The following LARP1 variants were observed in gnomAD, a reference collection of about 807,000 sequenced individuals.
LARP1 encodes la-related protein 1.
A neutral mutation model predicts 122.7 loss-of-function variants in LARP1; 36 were observed. The observed-to-expected ratio is 0.29, with a 90% CI of 0.22 to 0.39. The LOEUF (loss-of-function observed/expected upper bound fraction) is 0.39. Ranked by LOEUF, LARP1 falls within the 10% of genes least tolerant of loss-of-function variation. The probability of loss-of-function intolerance (pLI) is 1.00; values close to 1 mark genes in which losing one functional copy is unlikely to be tolerated. For synonymous variants in LARP1, 539 were observed against 528.7 expected (o/e 1.02, Z -0.27); for missense variants, 1,040 against 1,403.6 (o/e 0.74, Z 4.14).
At chr5:154,763,843 CA>C (rs57607523) in intron 1 of LARP1, among the ~76,000 whole-genome samples, 160 of 140,490 alleles carry the variant, frequency 1.1e-3, no homozygotes, top group Non-Finnish European at 1.1e-3. Context: ...CCATCTCTTA[CA>C]AAAAAAAAAA....
At chr5:154,800,302 C>T (rs1426538633) in intron 10 of LARP1, among the ~76,000 whole-genome samples, 1 of 152,214 alleles carries the variant, frequency 6.6e-6, no homozygotes, top group African/African-American at 2.4e-5. Context: ...AGGGATCATG[C>T]AGCATCTGGC....
rs777357564 is a variant in LARP1 at position 154,794,095 on chromosome 5, C to T, written c.1070-5C>T. 3 of 1,613,990 alleles carry T rather than the reference C, an allele frequency of 1.9e-6. No homozygotes were observed. Among genetic ancestry groups the T allele is most frequent in the African/African-American group, 1.3e-5 (1 of 74,930 alleles). ...TCTCCCTCATGGCACCCGTTTCCCC[C>T]ATAGCCCATTTTGACTACCAGTTTG... On this transcript the variant is annotated splice_polypyrimidine_tract_variant and splice_region_variant and intron_variant, in intron 6 of 18. Transcript: ENST00000518297.
rs79961824 is a variant in LARP1, at chr5:154,737,904, C to T, written c.205+24774C>T. Among the ~76,000 whole-genome samples, 19 of 152,244 alleles carry T rather than the reference C, an allele frequency of 1.2e-4. No individual in the cohort carries two copies. The East Asian group carries it at 3.5e-3, about 28-fold the overall frequency. On this transcript the variant is annotated intron_variant, in intron 1 of 18. Coordinates refer to the LARP1 transcript ENST00000336314. Reference sequence around the variant, plus strand: ...TCCTCAGCCCTCCCCTTCATAGTCCCTGAACATTCCCCTTGCTTCACTCAC... The same window carrying T: ...TCCTCAGCCCTCCCCTTCATAGTCCTTGAACATTCCCCTTGCTTCACTCAC...
intron 1 of LARP1, among the ~76,000 whole-genome samples, chr5:154,724,294 GTTA>G (rs1381221019): frequency 6.6e-6 from 1 of 152,222 alleles, no homozygotes; most frequent in Non-Finnish European, 1.5e-5. Flanking sequence ...AGTAGCTGCT[GTTA>G]TTATCATCTG....
rs1313155726 is a variant in LARP1 at position 154,794,251 on chromosome 5, C to T, written c.1221C>T (p.Ile407=). 1.9e-6 allele frequency: 3 copies of T among 1,613,942 alleles called. No individual in the cohort carries two copies. In the African/African-American group the frequency reaches 4.0e-5, roughly 22 times the overall value. ...ATCAGGAACTGCTCAAAGACTACAT[C>T]AAGCGCCAGATGTGAGTGTGCGGAA... The part of the protein sequence containing the change: ...SVDQELLKDY[I]KRQIEYYFSV... The change falls in exon 7 of 19, where the codon ATC becomes ATT. Residue 407 remains isoleucine (I), a synonymous_variant. Transcript: ENST00000518297.
Position 154,803,276 on chromosome 5 carries a change from C to T in LARP1, c.2110-14C>T. 3 of 1,614,196 alleles carry T rather than the reference C, an allele frequency of 1.9e-6. No individual in the cohort carries two copies. The South Asian group carries it at 3.3e-5, about 18-fold the overall frequency. On this transcript the variant is annotated splice_polypyrimidine_tract_variant and intron_variant, in intron 11 of 18. Coordinates refer to ENST00000518297, the MANE Select transcript of LARP1 (RefSeq NM_033551.3). This position sits in a 1 kb window ranked among gnomAD's most constrained non-coding sequence, Gnocchi z 4.4. ...TACTTACATCTTTCCCCACTCATCT[C>T]ATGACCTCTGCAGCAAGAAGTCGAG... is the stretch of plus-strand genomic sequence containing the variant.
chr5:154,780,683 A>G lies in LARP1; in HGVS notation c.437-9642A>G, dbSNP rs140349562. Among the ~76,000 whole-genome samples, 30 of 152,330 alleles carry G rather than the reference A, an allele frequency of 2.0e-4. No individual in the cohort carries two copies. In the East Asian group the frequency reaches 5.2e-3, roughly 26 times the overall value. The stretch of plus-strand genomic sequence containing the variant: ...GTCTGGGATCACCCTCTCCACTCCA[A>G]TAATGGGAATAATCCAAAGTAATTT... On this transcript the variant is annotated intron_variant, in intron 1 of 18. Transcript: ENST00000518297.
At chr5:154,768,363 G>T (rs1755121109) in intron 1 of LARP1, among the ~76,000 whole-genome samples, 1 of 152,134 alleles carries the variant, frequency 6.6e-6, no homozygotes, top group Non-Finnish European at 1.5e-5. Context: ...GACACATTGC[G>T]GCCATGGTGG....
Position 154,803,844 on chromosome 5 carries a change from C to T in LARP1, c.2439+99C>T. 1 of 1,212,370 alleles carries T rather than the reference C, an allele frequency of 8.2e-7. No homozygotes were observed. Among genetic ancestry groups the T allele is most frequent in the South Asian group, 1.3e-5 (1 of 76,078 alleles). 75.1% of individuals were successfully genotyped at this position (1,212,370 alleles called of 1,614,324 possible). On this transcript the variant is annotated intron_variant, in intron 13 of 18. Coordinates refer to ENST00000518297, the MANE Select transcript of LARP1 (RefSeq NM_033551.3). The surrounding 1 kb of genome is among the most constrained non-coding windows in gnomAD (Gnocchi z 4.4). ...TTGCCTTGTCTGAGCTAAGGAAGTG[C>T]TAAATCCTTCACCTGCTCTGTGTTC...
chr5:154,800,125 C>G (rs1758225665), intron 10 of LARP1, 83 bp downstream of exon 10: 2 of 1,294,572 alleles, frequency 1.5e-6, no homozygotes, highest in East Asian at 4.7e-5. Context: ...GCACAGCACT[C>G]TAGCTCTGAG....
At chr5:154,795,976 T>C (rs1404224107) in intron 8 of LARP1, among the ~76,000 whole-genome samples, 1 of 119,632 alleles carries the variant, frequency 8.4e-6, no homozygotes, top group Non-Finnish European at 1.6e-5. Flanking sequence ...ACATATTATA[T>C]ATTTATATAT....
In LARP1 at chr5:154,794,237, C is replaced by G; in HGVS notation, c.1207C>G (p.Leu403Val). ...GCTTTACAGTGTGGATCAGGAACTG[C>G]TCAAAGACTACATCAAGCGCCAGAT... is the stretch of plus-strand genomic sequence containing the variant. The part of the protein sequence containing the change: ...TELYSVDQEL[L>V]KDYIKRQIEY... Residue 403 changes from leucine to valine, a missense_variant, in exon 7 of 19, where the codon CTC (leucine) becomes GTC (valine). Transcript: ENST00000518297. 1 of 1,614,190 alleles carries G rather than the reference C, an allele frequency of 6.2e-7. No homozygotes were observed. Among genetic ancestry groups the G allele is most frequent in the Non-Finnish European group, 8.5e-7 (1 of 1,180,030 alleles).
chr5:154,688,326 T>C (rs1279128321), intron 1 of LARP1, among the ~76,000 whole-genome samples: 4 of 152,082 alleles, frequency 2.6e-5, no homozygotes, highest in Non-Finnish European at 5.9e-5. Context: ...AAATACATTC[T>C]CTTTTTGAAG....
upstream of LARP1, among the ~76,000 whole-genome samples, chr5:154,753,352 A>G (rs534587180): frequency 6.6e-6 from 1 of 152,262 alleles, no homozygotes; most frequent in African/African-American, 2.4e-5. Flanking sequence ...AGGCTGAGGT[A>G]GGAGGATGGC....
intron 1 of LARP1, among the ~76,000 whole-genome samples, chr5:154,696,860 A>G (rs1202815144): frequency 6.6e-6 from 1 of 152,250 alleles, no homozygotes; most frequent in Non-Finnish European, 1.5e-5. Flanking sequence ...GAGGGCTTCA[A>G]TATTTAAAAA....
At chr5:154,781,697 T>C (rs1029304035) in intron 1 of LARP1, among the ~76,000 whole-genome samples, 5 of 152,280 alleles carry the variant, frequency 3.3e-5, no homozygotes, top group Admixed American at 1.3e-4. Flanking sequence ...AAAGGACGGC[T>C]TTGAATGCGT....
intron 1 of LARP1, among the ~76,000 whole-genome samples, chr5:154,691,624 T>C (rs1377723834): frequency 6.6e-6 from 1 of 152,144 alleles, no homozygotes; most frequent in African/African-American, 2.4e-5. Context: ...GGCATGAAGG[T>C]CTGCACAAGG....
chr5:154,759,296 C>G (rs1754255844), intron 1 of LARP1, among the ~76,000 whole-genome samples: 1 of 152,082 alleles, frequency 6.6e-6, no homozygotes, highest in South Asian at 2.1e-4. Context: ...CCCTGGGTCT[C>G]TGGTTTTCTC....
intron 1 of LARP1, among the ~76,000 whole-genome samples, chr5:154,717,801 C>G (rs1308914820): frequency 6.6e-6 from 1 of 152,212 alleles, no homozygotes; most frequent in Non-Finnish European, 1.5e-5. Flanking sequence ...GTGTCCTATT[C>G]TGACCCCATT....
Sources: allele counts gnomAD v4.1 joint callset (sites outside exome capture counted in the v4.1 genomes callset), GRCh38; gene constraint gnomAD v4.1.1; non-coding constraint Gnocchi (gnomAD v3.1); transcripts MANE v1.5; gene names NCBI Gene and HGNC (gene_info 2026-07-23, HGNC 2026-07-21).